CNOT4: variants seen among roughly 807,000 people sequenced by gnomAD.
CNOT4 encodes CCR4-associated factor 4.
CNOT4 carries 8 observed loss-of-function variants against 73.8 expected under a neutral mutation model. The observed-to-expected ratio is 0.11, with a 90% CI of 0.06 to 0.20. CNOT4 has a LOEUF of 0.20. Ranked by LOEUF, CNOT4 falls within the 10% of genes least tolerant of loss-of-function variation. The pLI is 1.00. For synonymous variants in CNOT4, 293 were observed against 321.1 expected, an observed-to-expected ratio of 0.91 and a Z score of 0.94; for missense variants, 564 against 883.4, an observed-to-expected ratio of 0.64 and a Z score of 4.58.
chr7:135,382,583 G>GA (rs11448872), intron 10 of CNOT4, among the ~76,000 whole-genome samples: 60,336 of 147,114 alleles, frequency 0.41, 12,343 homozygotes, highest in South Asian at 0.48. Flanking sequence ...CTGACTAGGA[G>GA]AAAAAAAAAA....
In CNOT4 at chr7:135,414,276, T is replaced by C; in HGVS notation, c.561+55A>G. On this transcript the variant is annotated intron_variant, in intron 5 of 11. Coordinates refer to ENST00000541284, the MANE Select transcript of CNOT4 (RefSeq NM_001190850.2). ...ATGCTCAGTTCTCCTCTACTTACTA[T>C]ATTTTATCTCGTCTTCCTTAAAAAA... 7.0e-6 allele frequency: 5 copies of C among 719,390 alleles called. No homozygotes were observed. In the South Asian group the frequency reaches 8.4e-5, roughly 12 times the overall value. 44.6% of individuals were successfully genotyped at this position (719,390 alleles called of 1,614,324 possible).
intron 2 of CNOT4, among the ~76,000 whole-genome samples, chr7:135,428,252 T>C (rs375040498): frequency 6.6e-6 from 1 of 152,132 alleles, no homozygotes; most frequent in Non-Finnish European, 1.5e-5. Flanking sequence ...GAAGCCTCTC[T>C]AGAGAGGAGC....
intron 10 of CNOT4, among the ~76,000 whole-genome samples, chr7:135,375,106 G>A (rs1378015766): frequency 6.6e-6 from 1 of 151,920 alleles, no homozygotes; most frequent in Non-Finnish European, 1.5e-5. Context: ...TAAACATAAG[G>A]GAAAATACAA....
intron 1 of CNOT4, chr7:135,444,656 C>A: frequency 4.3e-6 from 5 of 1,163,528 alleles, no homozygotes; most frequent in Non-Finnish European, 6.5e-6. Context: ...ACTGGACTAG[C>A]AAGAAGGTTT....
At chr7:135,414,154 G>C (rs1209158332) in intron 5 of CNOT4, among the ~76,000 whole-genome samples, 177 bp downstream of exon 5, 1 of 151,902 alleles carries the variant, frequency 6.6e-6, no homozygotes, top group Non-Finnish European at 1.5e-5. Context: ...TGGTAAAAGA[G>C]GACCCTACAG....
intron 1 of CNOT4, among the ~76,000 whole-genome samples, chr7:135,489,792 A>T (rs780297914): frequency 6.6e-6 from 1 of 152,172 alleles, no homozygotes; most frequent in African/African-American, 2.4e-5. Context: ...AAACAGGAAT[A>T]TATCTACCTT....
chr7:135,414,125 G>T (rs1797722333), intron 5 of CNOT4, among the ~76,000 whole-genome samples: 2 of 151,934 alleles, frequency 1.3e-5, no homozygotes, highest in South Asian at 4.2e-4. Flanking sequence ...CCCCGATAAT[G>T]AATGTGTTTA....
intron 1 of CNOT4, among the ~76,000 whole-genome samples, chr7:135,473,032 C>G (rs894518723): frequency 6.6e-6 from 1 of 150,496 alleles, no homozygotes; most frequent in Non-Finnish European, 1.5e-5. Flanking sequence ...CAGAGCAAGA[C>G]TCTGTCTCAA....
chr7:135,483,219 T>G (rs1802500520), intron 1 of CNOT4, among the ~76,000 whole-genome samples: 1 of 150,956 alleles, frequency 6.6e-6, no homozygotes, highest in Non-Finnish European at 1.5e-5. Flanking sequence ...ATGCCTGTAC[T>G]CCCAGCTACT....
Position 135,387,346 on chromosome 7 carries a change from A to G in CNOT4, c.1627+6572T>C, listed in dbSNP as rs538929002. 9.8e-5 allele frequency: 97 copies of G among 985,204 alleles called. 3 individuals carry two copies. The South Asian group carries it at 3.9e-3, about 40-fold the overall frequency. 61.0% of individuals were successfully genotyped at this position (985,204 alleles called of 1,614,324 possible). ...CAAATCTAAGGATATCTAAGAATAG[A>G]TTTTTGTTTACCTCACTGTACCTTG... On this transcript the variant is annotated intron_variant, in intron 10 of 11. Coordinates refer to ENST00000541284, the MANE Select transcript of CNOT4 (RefSeq NM_001190850.2).
chr7:135,473,707 A>T (rs953333084), intron 1 of CNOT4, among the ~76,000 whole-genome samples: 1 of 152,178 alleles, frequency 6.6e-6, no homozygotes, highest in Non-Finnish European at 1.5e-5. Context: ...AGATCATGCC[A>T]CTGCACTCCA....
intron 1 of CNOT4, among the ~76,000 whole-genome samples, chr7:135,464,902 T>G (rs986206328): frequency 5.9e-5 from 9 of 152,116 alleles, no homozygotes; most frequent in Non-Finnish European, 8.8e-5. Flanking sequence ...CAGAAAAATC[T>G]AAAGATATTG....
In CNOT4 at chr7:135,395,818, G is replaced by A. The variant is rs753163623; in HGVS notation, c.945C>T (p.Ile315=). ...ACCGTGCACTGTGATTGGATGAACT[G>A]ATGGGGATGACTGGATTGGATTTTG... The part of the protein sequence containing the change: ...GLSKSNPVIP[I]SSSNHSARSP... Residue 315 remains isoleucine (I), a synonymous_variant, in exon 9 of 12, where the codon ATC becomes ATT. Transcript: ENST00000541284. 2 of 1,612,010 alleles carry A rather than the reference G, an allele frequency of 1.2e-6. No homozygotes were observed. The highest frequency in any genetic ancestry group is 2.2e-5 in the South Asian group (2 of 91,062).
chr7:135,427,336 T>G (rs1188351767), intron 2 of CNOT4, among the ~76,000 whole-genome samples: 3 of 151,100 alleles, frequency 2.0e-5, no homozygotes, highest in Non-Finnish European at 3.0e-5. Context: ...CTTTTTTTTT[T>G]CCTATTTCAC....
chr7:135,438,830 G>T (rs144556186), intron 1 of CNOT4, among the ~76,000 whole-genome samples: 24 of 151,944 alleles, frequency 1.6e-4, no homozygotes, highest in Middle Eastern at 3.4e-3. Context: ...AAAACAAATC[G>T]AATGAAAACA....
At chr7:135,495,697 AGAAAGAAAGAAAGAAAG>A (rs1803495559) in intron 1 of CNOT4, among the ~76,000 whole-genome samples, 2 of 24,732 alleles carry the variant, frequency 8.1e-5, no homozygotes, top group Non-Finnish European at 1.7e-4. Context: ...AAAAAAAGAA[AGAAAGAAAGAAAGAAAG>A]AAAGAAAGAA....
intron 1 of CNOT4, among the ~76,000 whole-genome samples, chr7:135,478,176 T>C (rs1180066285): frequency 6.6e-6 from 1 of 152,186 alleles, no homozygotes; most frequent in Non-Finnish European, 1.5e-5. Context: ...TATTTTATTG[T>C]TCCAGTTGTT....
intron 10 of CNOT4, among the ~76,000 whole-genome samples, chr7:135,372,552 C>T (rs1331992783): frequency 6.9e-6 from 1 of 145,920 alleles, no homozygotes; most frequent in Non-Finnish European, 1.5e-5. Context: ...CGTTTGCTAC[C>T]ATGTTTTTTT....
At chr7:135,442,281 G>C (rs1389624119) in intron 1 of CNOT4, among the ~76,000 whole-genome samples, 2 of 152,098 alleles carry the variant, frequency 1.3e-5, no homozygotes, top group Non-Finnish European at 2.9e-5. Flanking sequence ...TACTTAATAA[G>C]CCAGACAACT....
Sources: gnomAD v4.1 joint callset for allele counts (sites outside exome capture counted in the v4.1 genomes callset) on GRCh38, gnomAD v4.1.1 for gene constraint, MANE v1.5 for transcripts, NCBI Gene and HGNC (gene_info 2026-07-23, HGNC 2026-07-21) for gene names.